The following ROBO2 variants were observed in gnomAD, a reference collection of about 807,000 sequenced individuals.
ROBO2 encodes roundabout homolog 2.
Under a neutral mutation model 160.8 loss-of-function variants are expected in ROBO2, and 53 were observed. The ratio of observed to expected loss-of-function variants is 0.33; its 90% CI spans 0.26 to 0.41. The LOEUF is 0.41. Among genes scored for constraint, ROBO2 ranks in the 10% least tolerant of loss-of-function variants. The pLI, the probability that ROBO2 is intolerant of heterozygous loss-of-function variation, is 1.00. For synonymous variants in ROBO2, 664 were observed against 611.7 expected, an observed-to-expected ratio of 1.09 and a Z score of -1.26; for missense variants, 1,577 against 1,722.4, an observed-to-expected ratio of 0.92 and a Z score of 1.49.
chr3:76,786,851 C>G (rs530310966), intron 2 of ROBO2, among the ~76,000 whole-genome samples: 2 of 151,226 alleles, frequency 1.3e-5, no homozygotes, highest in Non-Finnish European at 3.0e-5. Context: ...TGCATTAGTC[C>G]ATTCTCACAC....
chr3:76,371,515 T>C (rs998469522), intron 2 of ROBO2, among the ~76,000 whole-genome samples: 1 of 151,890 alleles, frequency 6.6e-6, no homozygotes, highest in Non-Finnish European at 1.5e-5. Flanking sequence ...TACGTAATTG[T>C]ATATGAGTCT....
chr3:76,472,879 C>G (rs1374482873), intron 2 of ROBO2, among the ~76,000 whole-genome samples: 2 of 152,264 alleles, frequency 1.3e-5, no homozygotes, highest in South Asian at 4.1e-4. Flanking sequence ...GACAGCATGT[C>G]AGTCTCATGA....
At chr3:77,002,033 T>C (rs763224563) in intron 2 of ROBO2, among the ~76,000 whole-genome samples, 4 of 152,144 alleles carry the variant, frequency 2.6e-5, no homozygotes, top group Admixed American at 1.3e-4. Flanking sequence ...AGTATGGTAA[T>C]ATACTTGTAG....
At chr3:77,437,885 T>C (rs1202814900) in intron 2 of ROBO2, among the ~76,000 whole-genome samples, 5 of 152,054 alleles carry the variant, frequency 3.3e-5, no homozygotes, top group African/African-American at 7.2e-5. Context: ...CAAGAACTTA[T>C]ATCAGTCGGT....
intron 2 of ROBO2, among the ~76,000 whole-genome samples, chr3:75,998,086 C>T (rs890133846): frequency 6.6e-6 from 1 of 152,112 alleles, no homozygotes; most frequent in Non-Finnish European, 1.5e-5. Context: ...TTATCAAGAA[C>T]CGGACAGATT....
At chr3:76,998,536 T>C (rs1559822515) in intron 2 of ROBO2, among the ~76,000 whole-genome samples, 2 of 152,198 alleles carry the variant, frequency 1.3e-5, no homozygotes, top group African/African-American at 4.8e-5. Flanking sequence ...ATACTCATAA[T>C]AGTAAGACAA....
chr3:76,940,045 T>C (rs992276231), intron 2 of ROBO2, among the ~76,000 whole-genome samples: 1 of 143,642 alleles, frequency 7.0e-6, no homozygotes. Context: ...GCGGTGGCGC[T>C]ACCTCGGCTC....
At chr3:76,900,472 G>C (rs544328383) in intron 2 of ROBO2, among the ~76,000 whole-genome samples, 1 of 152,260 alleles carries the variant, frequency 6.6e-6, no homozygotes, top group South Asian at 2.1e-4. Context: ...ATCAATAAAA[G>C]TATTTTCAAT....
rs552834985 is a variant in ROBO2 at position 76,154,709 on chromosome 3, C to T, written c.109+217107C>T. On this transcript the variant is annotated intron_variant, in intron 2 of 26. Transcript: ENST00000487694. The stretch of plus-strand genomic sequence containing the variant: ...AATTATGACCACTGAAAGTAAATTA[C>T]GCCACTAAATTGCAACTAGTCTTCA... Among the ~76,000 whole-genome samples, 370 of 152,158 alleles carry T rather than the reference C, an allele frequency of 2.4e-3. 3 individuals carry two copies. Among genetic ancestry groups the T allele is most frequent in the South Asian group, 1.0e-2 (48 of 4,816 alleles).
intron 2 of ROBO2, among the ~76,000 whole-genome samples, chr3:76,281,172 A>ATG (rs1708212651): frequency 1.3e-5 from 2 of 151,926 alleles, no homozygotes; most frequent in South Asian, 2.1e-4. Context: ...GCCAATCCAC[A>ATG]TGTGGGAATA....
At chr3:76,010,845 C>T (rs1250286641) in intron 2 of ROBO2, among the ~76,000 whole-genome samples, 2 of 152,014 alleles carry the variant, frequency 1.3e-5, no homozygotes, top group Non-Finnish European at 2.9e-5. Context: ...GTTAAAATTA[C>T]AGTTTTAGGA....
intron 2 of ROBO2, among the ~76,000 whole-genome samples, chr3:77,382,362 TA>T (rs138278147): frequency 6.7e-5 from 10 of 149,070 alleles, no homozygotes; most frequent in African/African-American, 2.2e-4. Flanking sequence ...TTTTTTTTTT[TA>T]AAAAGTCTTT....
intron 2 of ROBO2, among the ~76,000 whole-genome samples, chr3:76,035,228 A>G (rs2067067298): frequency 6.6e-6 from 1 of 150,464 alleles, no homozygotes; most frequent in Admixed American, 6.6e-5. Flanking sequence ...TCCTAGGACA[A>G]TGTCTGGCAC....
At chr3:76,059,551 C>G (rs546716871) in intron 2 of ROBO2, among the ~76,000 whole-genome samples, 2 of 151,972 alleles carry the variant, frequency 1.3e-5, no homozygotes, top group African/African-American at 4.8e-5. Context: ...TGGATATTAG[C>G]CCTTTGTCAG....
chr3:76,516,636 T>C (rs975900983), intron 2 of ROBO2, among the ~76,000 whole-genome samples: 2 of 133,752 alleles, frequency 1.5e-5, no homozygotes, highest in Admixed American at 1.5e-4. Flanking sequence ...TCTAGGAAAA[T>C]GAATTCTTTA....
intron 2 of ROBO2, among the ~76,000 whole-genome samples, chr3:76,945,942 A>G (rs2078511487): frequency 1.3e-5 from 2 of 152,144 alleles, no homozygotes; most frequent in South Asian, 4.1e-4. Context: ...TTTGGAACTC[A>G]TTATGGGCTG....
intron 2 of ROBO2, among the ~76,000 whole-genome samples, chr3:76,625,318 A>G (rs1466587270): frequency 2.6e-5 from 4 of 152,280 alleles, no homozygotes; most frequent in South Asian, 2.1e-4. Context: ...CCTGTATTGT[A>G]AAACATATAA....
At chr3:77,590,825 A>C (rs2094163221) in intron 17 of ROBO2, among the ~76,000 whole-genome samples, 2 of 152,076 alleles carry the variant, frequency 1.3e-5, no homozygotes, top group South Asian at 4.1e-4. Flanking sequence ...TGCACAACCT[A>C]TGCACTTAAA....
chr3:77,411,152 G>A (rs914316262), intron 2 of ROBO2, among the ~76,000 whole-genome samples: 1 of 151,974 alleles, frequency 6.6e-6, no homozygotes, highest in African/African-American at 2.4e-5. Context: ...AATAAAAATG[G>A]CATCATTTTT....
Sources: allele counts gnomAD v4.1 joint callset (sites outside exome capture counted in the v4.1 genomes callset), GRCh38; gene constraint gnomAD v4.1.1; transcripts MANE v1.5; gene names NCBI Gene and HGNC (gene_info 2026-07-23, HGNC 2026-07-21).